Variants in UMAD1 observed in about 807,000 individuals in gnomAD.
The protein encoded by UMAD1 is UBAP1-MVB12-associated (UMA)-domain containing protein 1.
Under a neutral mutation model 6.1 loss-of-function variants are expected in UMAD1, and 8 were observed. That is an observed-to-expected ratio of 1.30 (90% CI 0.76 to 2.35). UMAD1 has a LOEUF of 2.35. UMAD1 is among the 30% of genes most tolerant of loss of function. The probability of loss-of-function intolerance (pLI) is 0.00; values close to 1 mark genes in which losing one functional copy is unlikely to be tolerated. For synonymous variants in UMAD1, 56 were observed against 31.4 expected, an observed-to-expected ratio of 1.78 and a Z score of -2.61; for missense variants, 130 against 78.4, an observed-to-expected ratio of 1.66 and a Z score of -2.49.
chr7:7,689,602 CCT>C lies in UMAD1; in HGVS notation c.82+16150_82+16151del, dbSNP rs1436173231. 3 of 152,016 alleles carry C rather than the reference CCT, an allele frequency of 2.0e-5. No homozygotes were observed. In the East Asian group the frequency reaches 5.8e-4, roughly 29 times the overall value. The allele number at this position is 152,016 out of a possible 1,614,324, so 9.4% of individuals were successfully genotyped here. Reference sequence around the variant, plus strand: ...TGGATAATCTTTTCTTGGTAGAGCCCCTGTTTTTCATGCCCAGACTTCATGGA... The same window carrying C: ...TGGATAATCTTTTCTTGGTAGAGCCCGTTTTTCATGCCCAGACTTCATGGA... On this transcript the variant is annotated intron_variant, in intron 2 of 3. Transcript: ENST00000682710.
chr7:7,857,342 T>G (rs557864971), intron 3 of UMAD1, among the ~76,000 whole-genome samples: 1 of 152,344 alleles, frequency 6.6e-6, no homozygotes, highest in East Asian at 1.9e-4. Flanking sequence ...AGGAATCATG[T>G]TAAGTGGGCC....
At chr7:7,704,152 G>A (rs1168917229) in intron 2 of UMAD1, among the ~76,000 whole-genome samples, 4 of 152,246 alleles carry the variant, frequency 2.6e-5, no homozygotes, top group East Asian at 1.9e-4. Context: ...TAGTCTGAAT[G>A]CAGAAGAGAA....
chr7:7,670,447 G>A (rs574863952), intron 1 of UMAD1, among the ~76,000 whole-genome samples: 5 of 152,336 alleles, frequency 3.3e-5, no homozygotes, highest in Admixed American at 3.3e-4. Flanking sequence ...GGAGGGAAGA[G>A]AAAACTGTCC....
At chr7:7,642,501 G>A (rs181899046) in intron 1 of UMAD1, among the ~76,000 whole-genome samples, 1 of 151,534 alleles carries the variant, frequency 6.6e-6, no homozygotes, top group African/African-American at 2.4e-5. Flanking sequence ...ACTCCTGTGA[G>A]TACCAGATGT....
chr7:7,659,877 A>ATG (rs537628434), intron 1 of UMAD1, among the ~76,000 whole-genome samples: 1 of 152,068 alleles, frequency 6.6e-6, no homozygotes, highest in Non-Finnish European at 1.5e-5. Context: ...TGTCTCGTTG[A>ATG]TGTATCTAAT....
At chr7:7,806,243 G>GTTT (rs35024671) in intron 3 of UMAD1, among the ~76,000 whole-genome samples, 1 of 147,484 alleles carries the variant, frequency 6.8e-6, no homozygotes. Flanking sequence ...GAACAGCAGG[G>GTTT]TTTTTTTTTT....
chr7:7,655,628 A>G (rs1216494236), intron 1 of UMAD1, among the ~76,000 whole-genome samples: 2 of 152,208 alleles, frequency 1.3e-5, no homozygotes, highest in Non-Finnish European at 2.9e-5. Flanking sequence ...ATAAGGTTAT[A>G]TTAGAGAAGT....
At chr7:7,676,251 G>A (rs1200528145) in intron 2 of UMAD1, 1 of 398,392 alleles carries the variant, frequency 2.5e-6, no homozygotes. Context: ...TCTAGGAAAT[G>A]AGCACGATAT....
At chr7:7,834,224 T>C (rs2042544) in intron 3 of UMAD1, among the ~76,000 whole-genome samples, 83,963 of 151,216 alleles carry the variant, frequency 0.56, 23,800 homozygotes, top group East Asian at 0.79. Flanking sequence ...GGTTTCACCA[T>C]GTTGGCCAGG....
chr7:7,647,486 G>A (rs1043870098), intron 1 of UMAD1, among the ~76,000 whole-genome samples: 21 of 152,294 alleles, frequency 1.4e-4, no homozygotes, highest in Middle Eastern at 3.4e-3. Context: ...AAATTGCACT[G>A]TTCACATAAT....
At chr7:7,646,698 G>C (rs1785103290) in intron 1 of UMAD1, among the ~76,000 whole-genome samples, 2 of 151,886 alleles carry the variant, frequency 1.3e-5, no homozygotes, top group South Asian at 4.2e-4. Flanking sequence ...GGATGGAGTG[G>C]GAAGATGATC....
intron 2 of UMAD1, among the ~76,000 whole-genome samples, chr7:7,697,783 C>G (rs1281090055): frequency 1.3e-5 from 2 of 152,034 alleles, no homozygotes; most frequent in African/African-American, 4.8e-5. Flanking sequence ...GTCATTATGC[C>G]TCTTTTCACA....
At chr7:7,777,935 C>T (rs1563198095) in intron 2 of UMAD1, among the ~76,000 whole-genome samples, 1 of 152,082 alleles carries the variant, frequency 6.6e-6, no homozygotes, top group Non-Finnish European at 1.5e-5. Context: ...GCTTCCTTGC[C>T]TGCTAGTGAA....
chr7:7,642,006 TGTG>T (rs1456276115), intron 1 of UMAD1, among the ~76,000 whole-genome samples: 1 of 152,226 alleles, frequency 6.6e-6, no homozygotes, highest in Non-Finnish European at 1.5e-5. Flanking sequence ...ATAAAAAAGT[TGTG>T]GTTGTATTGG....
intron 2 of UMAD1, among the ~76,000 whole-genome samples, chr7:7,778,397 G>A (rs546423798): frequency 5.9e-5 from 9 of 151,698 alleles, no homozygotes; most frequent in African/African-American, 2.2e-4. Context: ...CAAATTTTCT[G>A]TAGATTTAAA....
intron 3 of UMAD1, among the ~76,000 whole-genome samples, chr7:7,874,228 A>G (rs542837549): frequency 6.6e-6 from 1 of 152,132 alleles, no homozygotes; most frequent in East Asian, 1.9e-4. Flanking sequence ...CCAAAATCCA[A>G]CCATTTTATC....
intron 3 of UMAD1, among the ~76,000 whole-genome samples, chr7:7,848,742 A>G (rs1337585552): frequency 6.6e-6 from 1 of 152,142 alleles, no homozygotes; most frequent in African/African-American, 2.4e-5. Flanking sequence ...CTTAAAGGAA[A>G]AGACAACCAG....
At chr7:7,668,126 C>G (rs1005624453) in intron 1 of UMAD1, among the ~76,000 whole-genome samples, 4 of 151,884 alleles carry the variant, frequency 2.6e-5, no homozygotes, top group African/African-American at 9.7e-5. Flanking sequence ...GTTGCCCAGG[C>G]TGGTCTCAAC....
At chr7:7,663,170 A>G (rs1044597558) in intron 1 of UMAD1, among the ~76,000 whole-genome samples, 8 of 93,476 alleles carry the variant, frequency 8.6e-5, no homozygotes, top group Admixed American at 2.7e-4. Context: ...TTTTCTTCCT[A>G]TTTCATTCCA....
Sources: gnomAD v4.1 joint callset for allele counts (sites outside exome capture counted in the v4.1 genomes callset) on GRCh38, gnomAD v4.1.1 for gene constraint, MANE v1.5 for transcripts, NCBI Gene and HGNC (gene_info 2026-07-23, HGNC 2026-07-21) for gene names.